Variants in CDH9 observed in about 807,000 individuals in gnomAD.
CDH9 encodes cadherin-9.
Under a neutral mutation model 70.9 loss-of-function variants are expected in CDH9, and 28 were observed. The ratio of observed to expected loss-of-function variants is 0.40; its 90% confidence interval spans 0.29 to 0.54. The LOEUF (loss-of-function observed/expected upper bound fraction) is 0.54, where lower values mean the gene tolerates loss of function less well. CDH9 is among the 20% of genes least tolerant of loss of function. The pLI, the probability that CDH9 is intolerant of heterozygous loss-of-function variation, is 0.59. For synonymous variants in CDH9, 409 were observed against 343.1 expected (o/e 1.19, Z -2.12); for missense variants, 874 against 984.4 (o/e 0.89, Z 1.50).
chr5:26,958,051 G>T (rs1316777871), intron 2 of CDH9, among the ~76,000 whole-genome samples: 1 of 152,040 alleles, frequency 6.6e-6, no homozygotes, highest in Admixed American at 6.6e-5. Flanking sequence ...GGAGCAAATG[G>T]GTGAGACTTA....
At chr5:27,024,371 T>C (rs968633077) in intron 1 of CDH9, among the ~76,000 whole-genome samples, 1 of 152,114 alleles carries the variant, frequency 6.6e-6, no homozygotes, top group African/African-American at 2.4e-5. Context: ...TGTAAATTTC[T>C]TTTGAAAAAA....
chr5:26,911,888 T>C (rs1435453827), intron 3 of CDH9, among the ~76,000 whole-genome samples: 4 of 152,038 alleles, frequency 2.6e-5, no homozygotes, highest in Non-Finnish European at 5.9e-5. Context: ...ATGTGAAATA[T>C]GGCATATGAT....
intron 1 of CDH9, among the ~76,000 whole-genome samples, chr5:27,010,938 C>G (rs893949508): frequency 2.0e-5 from 3 of 152,076 alleles, no homozygotes; most frequent in African/African-American, 7.2e-5. Flanking sequence ...CAACAGGAAT[C>G]TAAGGAATGG....
At chr5:27,029,278 C>T (rs974392453) in intron 1 of CDH9, among the ~76,000 whole-genome samples, 2 of 151,980 alleles carry the variant, frequency 1.3e-5, no homozygotes, top group African/African-American at 4.8e-5. Context: ...ATTCACTTCA[C>T]ACAGGGTTAG....
intron 1 of CDH9, among the ~76,000 whole-genome samples, chr5:27,001,838 A>ACTCTCTCTCTCTCT (rs1186197846): frequency 1.5e-4 from 18 of 123,230 alleles, no homozygotes; most frequent in African/African-American, 6.9e-4. Flanking sequence ...ATACACACAC[A>ACTCTCTCTCTCTCT]CACACACTCT....
intron 2 of CDH9, among the ~76,000 whole-genome samples, chr5:26,937,631 T>A (rs1218438657): frequency 6.6e-6 from 1 of 152,118 alleles, no homozygotes; most frequent in Admixed American, 6.6e-5. Flanking sequence ...TAATGGAATA[T>A]TATTCAGTAA....
intron 9 of CDH9, 130 bp from the exon 10 acceptor site, chr5:26,886,213 C>T: frequency 1.8e-6 from 2 of 1,102,202 alleles, no homozygotes; most frequent in South Asian, 2.0e-5. Flanking sequence ...AAAATAAATG[C>T]CATTTTCAGA....
intron 1 of CDH9, among the ~76,000 whole-genome samples, chr5:27,007,549 T>C (rs1742887033): frequency 6.6e-6 from 1 of 152,112 alleles, no homozygotes; most frequent in Admixed American, 6.6e-5. Context: ...TCTCCTTCAA[T>C]GAAACTTTTT....
chr5:26,967,591 A>G (rs985691269), intron 2 of CDH9, among the ~76,000 whole-genome samples: 1 of 152,226 alleles, frequency 6.6e-6, no homozygotes, highest in African/African-American at 2.4e-5. Flanking sequence ...GATACTAGAA[A>G]TATAGCAATA....
At chr5:26,925,369 A>G (rs1231156652) in intron 2 of CDH9, among the ~76,000 whole-genome samples, 3 of 152,004 alleles carry the variant, frequency 2.0e-5, no homozygotes, top group African/African-American at 7.2e-5. Context: ...ATCTGTTCAT[A>G]TCCTTTGCCC....
chr5:26,906,922 A>C, intron 3 of CDH9, 84 bp from the exon 4 acceptor site: 1 of 1,445,454 alleles, frequency 6.9e-7, no homozygotes. Flanking sequence ...TGTTGCTCTC[A>C]GTGTTTTGTA....
intron 1 of CDH9, among the ~76,000 whole-genome samples, chr5:27,035,695 TGTGTGTGTGTGTGTGG>T (rs1743380511): frequency 6.9e-6 from 1 of 144,274 alleles, no homozygotes; most frequent in African/African-American, 2.9e-5. Context: ...TGTGTGTGTG[TGTGTGTGTGTGTGTGG>T]GTGTGTGTGG....
intron 2 of CDH9, among the ~76,000 whole-genome samples, chr5:26,981,020 T>A (rs1261338332): frequency 6.6e-6 from 1 of 152,066 alleles, no homozygotes; most frequent in Non-Finnish European, 1.5e-5. Flanking sequence ...GACAAATATC[T>A]AGCATAACTA....
chr5:26,940,320 C>A (rs937140688), intron 2 of CDH9, among the ~76,000 whole-genome samples: 1 of 152,068 alleles, frequency 6.6e-6, no homozygotes, highest in South Asian at 2.1e-4. Context: ...TTTTCAGAGG[C>A]TTTTAACTTG....
chr5:26,994,443 G>A (rs953270766), intron 1 of CDH9, among the ~76,000 whole-genome samples: 3 of 152,164 alleles, frequency 2.0e-5, no homozygotes, highest in African/African-American at 7.2e-5. Context: ...ATTAGATCAT[G>A]AGAGTGGAGT....
At chr5:27,018,911 T>A (rs1743090299) in intron 1 of CDH9, among the ~76,000 whole-genome samples, 1 of 152,002 alleles carries the variant, frequency 6.6e-6, no homozygotes, top group Non-Finnish European at 1.5e-5. Flanking sequence ...TGGGTTTTAG[T>A]TTTTCTTTCC....
intron 9 of CDH9, among the ~76,000 whole-genome samples, chr5:26,887,418 T>G (rs1579662390): frequency 6.6e-6 from 1 of 150,910 alleles, no homozygotes; most frequent in East Asian, 1.9e-4. Context: ...TAAAATCTAT[T>G]TTATTTTTAA....
At position 26,881,626 on chromosome 5, in the gene CDH9, A is replaced by G; in HGVS notation, c.1883-3T>C. ...TGCAGCAAACAACACGACTAAAACT[A>G]TTAATAAGAAATGGGAAAATAGTGA... On this transcript the variant is annotated splice_polypyrimidine_tract_variant and splice_region_variant and intron_variant, in intron 11 of 11. Transcript: ENST00000231021. 1 of 1,596,646 alleles carries G rather than the reference A, an allele frequency of 6.3e-7. No individual in the cohort carries two copies. Among genetic ancestry groups the G allele is most frequent in the Non-Finnish European group, 8.5e-7 (1 of 1,175,082 alleles).
At chr5:27,029,720 T>C (rs1190318690) in intron 1 of CDH9, among the ~76,000 whole-genome samples, 1 of 151,976 alleles carries the variant, frequency 6.6e-6, no homozygotes, top group Non-Finnish European at 1.5e-5. Flanking sequence ...TTTTTCCTGA[T>C]TACGAGTCTA....
Sources: gnomAD v4.1 joint callset for allele counts (sites outside exome capture counted in the v4.1 genomes callset) on GRCh38, gnomAD v4.1.1 for gene constraint, MANE v1.5 for transcripts, NCBI Gene and HGNC (gene_info 2026-07-23, HGNC 2026-07-21) for gene names.